Variants in EZH2 observed in about 807,000 individuals in gnomAD.
EZH2 encodes the protein histone-lysine N-methyltransferase EZH2.
In EZH2, 18 loss-of-function variants were observed where a neutral mutation model predicts 98.4. The ratio of observed to expected loss-of-function variants is 0.18; its 90% CI spans 0.13 to 0.27. The LOEUF is 0.27. EZH2 is among the 10% of genes least tolerant of loss of function. The pLI, the probability that EZH2 is intolerant of heterozygous loss-of-function variation, is 1.00. For missense variants in EZH2, 470 were observed against 935.1 expected (o/e 0.50, Z 6.49); for synonymous variants, 338 against 312.3 (o/e 1.08, Z -0.87).
intron 17 of EZH2, 115 bp downstream of exon 17, chr7:148,810,218 G>A (rs1297864061): frequency 1.5e-6 from 1 of 685,064 alleles, no homozygotes; most frequent in African/African-American, 1.8e-5. Flanking sequence ...TGCCTCTAAG[G>A]AGATCCTCCT....
At chr7:148,882,467 C>A (rs1412275001) in intron 1 of EZH2, among the ~76,000 whole-genome samples, 1 of 152,174 alleles carries the variant, frequency 6.6e-6, no homozygotes. Flanking sequence ...TGACTAGAAT[C>A]CTACCTATTC....
At chr7:148,813,013 T>C (rs576666584) in intron 15 of EZH2, among the ~76,000 whole-genome samples, 2 of 151,584 alleles carry the variant, frequency 1.3e-5, no homozygotes, top group Admixed American at 1.3e-4. Flanking sequence ...TATAAATAAA[T>C]GGTCCAACAA....
intron 1 of EZH2, among the ~76,000 whole-genome samples, chr7:148,870,405 A>G (rs1024325976): frequency 1.3e-4 from 20 of 152,220 alleles, no homozygotes; most frequent in African/African-American, 4.1e-4. Context: ...ATACTGTTTA[A>G]TAAGTATAAA....
chr7:148,828,701 G>C (rs1375537066), intron 6 of EZH2, 39 bp downstream of exon 6: 1 of 1,586,242 alleles, frequency 6.3e-7, no homozygotes, highest in East Asian at 2.2e-5. Flanking sequence ...TTGAAAGAAA[G>C]CTGTAATGGC....
intron 1 of EZH2, among the ~76,000 whole-genome samples, chr7:148,866,827 A>G (rs1818620422): frequency 6.7e-6 from 1 of 148,912 alleles, no homozygotes; most frequent in Non-Finnish European, 1.5e-5. Context: ...TGATTCTCCC[A>G]CCTCAGCCTT....
intron 11 of EZH2, 177 bp downstream of exon 11, chr7:148,817,045 G>A: frequency 3.1e-6 from 2 of 652,320 alleles, no homozygotes; most frequent in Non-Finnish European, 5.0e-6. Context: ...GGGAAATTCT[G>A]TAACATACCT....
chr7:148,843,594 T>G (rs950235402), intron 3 of EZH2, among the ~76,000 whole-genome samples: 4 of 108,924 alleles, frequency 3.7e-5, no homozygotes, highest in Admixed American at 1.9e-4. Flanking sequence ...TTTTTTTTTT[T>G]TTTTTTTTTT....
chr7:148,807,467 C>T lies in EZH2; in HGVS notation c.*179G>A. On this transcript the variant is annotated 3_prime_UTR_variant, in exon 20 of 20. Coordinates refer to ENST00000320356, the MANE Select transcript of EZH2 (RefSeq NM_004456.5). ...AAATTCACTGGTACAAAACACTTTG[C>T]AGCTGGTGAGAAGGCAATAAAAAGT... 1 of 597,828 alleles carries T rather than the reference C, an allele frequency of 1.7e-6. No individual in the cohort carries two copies. Among genetic ancestry groups the T allele is most frequent in the Non-Finnish European group, 3.0e-6 (1 of 334,362 alleles). 37.0% of individuals were successfully genotyped at this position (597,828 alleles called of 1,614,324 possible). A position where few individuals can be genotyped will look rare whatever the true frequency, so the allele number is the denominator to read the frequency against.
In EZH2 at chr7:148,807,676, G is replaced by C; in HGVS notation, c.2226C>G (p.Val742=). 2 of 1,597,926 alleles carry C rather than the reference G, an allele frequency of 1.3e-6. No homozygotes were observed. Among genetic ancestry groups the C allele is most frequent in the Non-Finnish European group, 1.7e-6 (2 of 1,171,522 alleles). Residue 742 remains valine (V), a synonymous_variant, in exon 20 of 20, where the codon GTC becomes GTG. Coordinates refer to ENST00000320356, the MANE Select transcript of EZH2 (RefSeq NM_004456.5). The part of the protein sequence containing the change: ...RYSQADALKY[V]GIEREMEIP ...GGATTTCCATTTCTCTTTCGATGCC[G>C]ACATACTTCAGGGCATCAGCCTGGC...
At chr7:148,861,632 TAA>T (rs1563055963) in intron 1 of EZH2, among the ~76,000 whole-genome samples, 1 of 152,064 alleles carries the variant, frequency 6.6e-6, no homozygotes, top group Non-Finnish European at 1.5e-5. Flanking sequence ...GTACCTAATA[TAA>T]ATAACACATT....
chr7:148,856,968 G>A (rs1458023376), intron 1 of EZH2, among the ~76,000 whole-genome samples: 1 of 152,130 alleles, frequency 6.6e-6, no homozygotes, highest in Non-Finnish European at 1.5e-5. Flanking sequence ...AGAAGAGTCT[G>A]GAAAGGGAAA....
rs1378180485 is a variant in EZH2 at position 148,832,679 on chromosome 7, T to G, written c.318A>C (p.Ser106=). ...GAGACCAAGAATACATTATGGGTAC[T>G]GAAGCAACTGCATTCAGAGTCTTTA... ...IPLKTLNAVA[S]VPIMYSWSPL... Residue 106 remains serine (S), a synonymous_variant, in exon 4 of 20, where the codon TCA becomes TCC. Coordinates refer to ENST00000320356, the MANE Select transcript of EZH2 (RefSeq NM_004456.5). The G allele has an allele frequency of 6.2e-7, 1 of 1,611,702 alleles. No individual in the cohort carries two copies. Among genetic ancestry groups the G allele is most frequent in the Non-Finnish European group, 8.5e-7 (1 of 1,178,396 alleles).
rs190596887 is a variant in EZH2, at chr7:148,810,498, A to G, written c.1948-84T>C. ...ACACACAAAAGCGCACAGAGTGAAT[A>G]CTGGACCTTCTGGAGAAAACGCAAC... On this transcript the variant is annotated intron_variant, in intron 16 of 19. Coordinates refer to ENST00000320356, the MANE Select transcript of EZH2 (RefSeq NM_004456.5). 6 of 829,978 alleles carry G rather than the reference A, an allele frequency of 7.2e-6. No individual in the cohort carries two copies. The African/African-American group carries it at 1.0e-4, about 14-fold the overall frequency. 51.4% of individuals were successfully genotyped at this position (829,978 alleles called of 1,614,324 possible).
At chr7:148,839,527 T>TG (rs35484227) in intron 3 of EZH2, among the ~76,000 whole-genome samples, 3,470 of 134,174 alleles carry the variant, frequency 0.026, 62 homozygotes, top group African/African-American at 0.055. Context: ...AACATCAAAA[T>TG]GGGGGGGGGG....
intron 9 of EZH2, among the ~76,000 whole-genome samples, 176 bp from the exon 10 acceptor site, chr7:148,818,293 A>C (rs1023343258): frequency 6.6e-6 from 1 of 152,234 alleles, no homozygotes; most frequent in Non-Finnish European, 1.5e-5. Flanking sequence ...TGATAGTCTG[A>C]AAATTTCAGA....
chr7:148,837,225 C>T (rs1375314613), intron 3 of EZH2, among the ~76,000 whole-genome samples: 2 of 152,188 alleles, frequency 1.3e-5, no homozygotes, highest in Non-Finnish European at 2.9e-5. Flanking sequence ...TAGGGGAAAA[C>T]ATACAATCAA....
chr7:148,836,342 A>G (rs1272224062), intron 3 of EZH2, among the ~76,000 whole-genome samples: 8 of 152,180 alleles, frequency 5.3e-5, no homozygotes, highest in African/African-American at 1.7e-4. Context: ...ATTAACCGTA[A>G]CTAACAACCA....
chr7:148,831,075 G>A (rs780402735), intron 4 of EZH2, among the ~76,000 whole-genome samples: 1 of 152,080 alleles, frequency 6.6e-6, no homozygotes. Flanking sequence ...TATGATCATG[G>A]CCCACAGGTA....
chr7:148,837,782 CAG>C (rs1406779768), intron 3 of EZH2, among the ~76,000 whole-genome samples: 4 of 152,178 alleles, frequency 2.6e-5, no homozygotes, highest in Non-Finnish European at 5.9e-5. Context: ...GATATTGACA[CAG>C]ATGTATTTAA....
Sources: allele counts gnomAD v4.1 joint callset (sites outside exome capture counted in the v4.1 genomes callset), GRCh38; gene constraint gnomAD v4.1.1; transcripts MANE v1.5; gene names NCBI Gene and HGNC (gene_info 2026-07-23, HGNC 2026-07-21).